MAP4K3: variants seen among roughly 807,000 people sequenced by gnomAD.
MAP4K3 encodes mitogen-activated protein kinase kinase kinase kinase 3, also known as MAPK/ERK kinase kinase kinase 3.
MAP4K3 carries 94 observed loss-of-function variants against 143.5 expected under a neutral mutation model. The observed-to-expected ratio is 0.65, with a 90% confidence interval of 0.55 to 0.78. The LOEUF (loss-of-function observed/expected upper bound fraction) is 0.78, where lower values mean the gene tolerates loss of function less well. Ranked by LOEUF, MAP4K3 falls within the 30% of genes least tolerant of loss-of-function variation. MAP4K3 has a pLI of 0.00. For missense variants in MAP4K3, 1,077 were observed against 1,068.1 expected (o/e 1.01, Z -0.12); for synonymous variants, 416 against 347.2 (o/e 1.20, Z -2.20).
chr2:39,282,103 G>A (rs889193767), intron 22 of MAP4K3, among the ~76,000 whole-genome samples: 13 of 151,580 alleles, frequency 8.6e-5, no homozygotes, highest in African/African-American at 3.2e-4. Context: ...GCTGAGGCAG[G>A]AGAATGGCAT....
At chr2:39,341,876 TAAAGA>T (rs1296675431) in intron 4 of MAP4K3, among the ~76,000 whole-genome samples, 1 of 151,998 alleles carries the variant, frequency 6.6e-6, no homozygotes, top group East Asian at 1.9e-4. Context: ...CCACAAATAA[TAAAGA>T]AAAGTTTCTC....
At chr2:39,371,876 C>A (rs1666091456) in intron 2 of MAP4K3, among the ~76,000 whole-genome samples, 1 of 150,630 alleles carries the variant, frequency 6.6e-6, no homozygotes. Context: ...CATCCTCTTG[C>A]TGAATTGATC....
At chr2:39,366,130 G>C (rs1220635477) in intron 2 of MAP4K3, among the ~76,000 whole-genome samples, 2 of 152,126 alleles carry the variant, frequency 1.3e-5, no homozygotes, top group African/African-American at 2.4e-5. Context: ...AGAGTCCTCA[G>C]GAGACCTGAG....
At chr2:39,316,128 A>C (rs1322740211) in intron 12 of MAP4K3, among the ~76,000 whole-genome samples, 1 of 152,070 alleles carries the variant, frequency 6.6e-6, no homozygotes, top group Non-Finnish European at 1.5e-5. Context: ...AATTTCCATG[A>C]GTAGGAAACA....
At chr2:39,254,949 A>C (rs1680290499) in intron 31 of MAP4K3, among the ~76,000 whole-genome samples, 1 of 152,086 alleles carries the variant, frequency 6.6e-6, no homozygotes, top group Admixed American at 6.6e-5. Flanking sequence ...ACGTGTATCC[A>C]CCACCCAACA....
intron 1 of MAP4K3, among the ~76,000 whole-genome samples, chr2:39,380,401 T>G (rs971285423): frequency 2.6e-5 from 4 of 152,158 alleles, no homozygotes; most frequent in South Asian, 2.1e-4. Context: ...TAGTCAAGGT[T>G]ACACACAAAG....
At chr2:39,402,832 A>C (rs1441178070) in intron 1 of MAP4K3, among the ~76,000 whole-genome samples, 1 of 152,030 alleles carries the variant, frequency 6.6e-6, no homozygotes, top group Non-Finnish European at 1.5e-5. Flanking sequence ...AAAAGGGAGA[A>C]GACACAAATT....
At chr2:39,393,435 T>C (rs1190920549) in intron 1 of MAP4K3, among the ~76,000 whole-genome samples, 1 of 152,220 alleles carries the variant, frequency 6.6e-6, no homozygotes, top group Non-Finnish European at 1.5e-5. Context: ...ACTTAGAACC[T>C]ATCCATTTCA....
At chr2:39,278,597 C>A (rs1429257177) in intron 23 of MAP4K3, 111 bp from the exon 24 acceptor site, 4 of 610,584 alleles carry the variant, frequency 6.6e-6, no homozygotes, top group African/African-American at 1.9e-5. Flanking sequence ...ACAAGAATTA[C>A]TATGATTTAT....
At position 39,267,201 on chromosome 2, in the gene MAP4K3, T is replaced by G. The variant is rs778081138; in HGVS notation, c.2020A>C (p.Lys674Gln). 2 of 1,614,060 alleles carry G rather than the reference T, an allele frequency of 1.2e-6. No homozygotes were observed. The highest frequency in any genetic ancestry group is 8.5e-7 in the Non-Finnish European group (1 of 1,179,964). ...AKIPETKWCQKCCVVRNPYTG... is the reference protein window; with the variant it reads ...AKIPETKWCQQCCVVRNPYTG... ...ACAGTTTACTTACCAACACAACACT[T>G]CTGGCACCATTTGGTTTCAGGGATT... is the stretch of plus-strand genomic sequence containing the variant. Residue 674 changes from lysine to glutamine, a missense_variant, in exon 27 of 34, where the codon AAG becomes CAG. By Grantham distance (53) the Lys-to-Gln change is moderately conservative (BLOSUM62 1). This residue lies in a region of MAP4K3 where 864 missense variants were observed against 801.2 expected (regional missense o/e 1.08). Transcript: ENST00000263881.
chr2:39,435,683 G>A (rs774718595), intron 1 of MAP4K3, among the ~76,000 whole-genome samples: 1 of 152,142 alleles, frequency 6.6e-6, no homozygotes, highest in Non-Finnish European at 1.5e-5. Flanking sequence ...GAAACACTTA[G>A]GAAGATTTGG....
intron 29 of MAP4K3, among the ~76,000 whole-genome samples, chr2:39,259,021 T>C (rs1023546081): frequency 6.6e-6 from 1 of 151,550 alleles, no homozygotes; most frequent in African/African-American, 2.4e-5. Context: ...TTTTTTTTTT[T>C]TGCGCCTGCT....
intron 1 of MAP4K3, among the ~76,000 whole-genome samples, chr2:39,405,359 A>G (rs1176888506): frequency 1.3e-5 from 2 of 152,234 alleles, no homozygotes; most frequent in African/African-American, 4.8e-5. Context: ...CTACAGTGTT[A>G]CTGGGATTGG....
chr2:39,271,492 A>G (rs1681021402), intron 26 of MAP4K3, among the ~76,000 whole-genome samples: 1 of 152,248 alleles, frequency 6.6e-6, no homozygotes, highest in African/African-American at 2.4e-5. Context: ...CTTTCAGTCA[A>G]TAAAGAGGTC....
At chr2:39,381,065 A>G (rs1666344485) in intron 1 of MAP4K3, among the ~76,000 whole-genome samples, 1 of 152,210 alleles carries the variant, frequency 6.6e-6, no homozygotes, top group Non-Finnish European at 1.5e-5. Flanking sequence ...ATGGGATCAA[A>G]TAACACATGG....
rs1324770604 is a variant in MAP4K3, at chr2:39,293,230, C to T, written c.1217G>A (p.Arg406Gln). ...LKSVEEELHQ[R>Q]GHVAHLEDDE... ...CTTTAAGATTAAAAATTAAAATTACCGCTGATGCAATTCTTCTTCAACAGA... is the reference window on the plus strand; with the variant it reads ...CTTTAAGATTAAAAATTAAAATTACTGCTGATGCAATTCTTCTTCAACAGA... The change falls in exon 17 of 34, where the codon CGA becomes CAA. Residue 406 changes from arginine (R) to glutamine (Q), a missense_variant and splice_region_variant. Arg to Gln is a conservative substitution (Grantham distance 43). This residue lies in a region of MAP4K3 where 864 missense variants were observed against 801.2 expected (regional missense o/e 1.08). Transcript: ENST00000263881. 14 of 1,545,914 alleles carry T rather than the reference C, an allele frequency of 9.1e-6. No homozygotes were observed. Among genetic ancestry groups the T allele is most frequent in the South Asian group, 2.5e-5 (2 of 81,610 alleles).
At chr2:39,396,221 T>C (rs930443036) in intron 1 of MAP4K3, among the ~76,000 whole-genome samples, 1 of 152,016 alleles carries the variant, frequency 6.6e-6, no homozygotes, top group Non-Finnish European at 1.5e-5. Context: ...AATTTTTTAA[T>C]GTAGAAATGG....
intron 1 of MAP4K3, among the ~76,000 whole-genome samples, chr2:39,385,551 CATATATATATATATATATATATAT>C (rs140387430): frequency 1.4e-4 from 16 of 111,256 alleles, no homozygotes; most frequent in African/African-American, 6.4e-4. Flanking sequence ...GAGCGTTCTT[CATATATATATATATATATATATAT>C]ATATATATAT....
At chr2:39,294,055 C>T (rs890023998) in intron 16 of MAP4K3, 17 of 152,116 alleles carry the variant, frequency 1.1e-4, no homozygotes, top group Non-Finnish European at 1.5e-4. Flanking sequence ...TTACACTCTT[C>T]GAGCATAAAG....
Sources: gnomAD v4.1 joint callset for allele counts (sites outside exome capture counted in the v4.1 genomes callset) on GRCh38, gnomAD v4.1.1 for gene constraint, gnomAD v4.1.1 regional missense constraint, MANE v1.5 for transcripts, NCBI Gene and HGNC (gene_info 2026-07-23, HGNC 2026-07-21) for gene names.